Variants in KLHL20 observed in about 807,000 individuals in gnomAD.
KLHL20 encodes kelch-like protein 20.
In KLHL20, 29 loss-of-function variants were observed where a neutral mutation model predicts 69.5. The ratio of observed to expected loss-of-function variants is 0.42; its 90% CI spans 0.31 to 0.57. The LOEUF is 0.57. Among genes scored for constraint, KLHL20 ranks in the 20% least tolerant of loss-of-function variants. The probability of loss-of-function intolerance (pLI) is 0.18; values close to 1 mark genes in which losing one functional copy is unlikely to be tolerated. For missense variants in KLHL20, 419 were observed against 776.0 expected (o/e 0.54, Z 5.47); for synonymous variants, 253 against 265.2 (o/e 0.95, Z 0.45).
intron 3 of KLHL20, among the ~76,000 whole-genome samples, chr1:173,744,870 C>T (rs554828796): frequency 3.1e-4 from 47 of 152,142 alleles, no homozygotes; most frequent in African/African-American, 1.1e-3. Flanking sequence ...AGTATGTATG[C>T]GGTAGGACTA....
intron 10 of KLHL20, among the ~76,000 whole-genome samples, chr1:173,779,730 G>T (rs1648730269): frequency 6.6e-6 from 1 of 152,122 alleles, no homozygotes; most frequent in South Asian, 2.1e-4. Flanking sequence ...ATTAATATTA[G>T]ATCTATATAT....
intron 5 of KLHL20, among the ~76,000 whole-genome samples, 189 bp from the exon 6 acceptor site, chr1:173,755,734 A>C (rs1023094459): frequency 6.6e-6 from 1 of 152,228 alleles, no homozygotes; most frequent in Non-Finnish European, 1.5e-5. Flanking sequence ...ATACCAATCA[A>C]TTCACAACTC....
At chr1:173,731,729 G>C (rs1400000672) in intron 2 of KLHL20, among the ~76,000 whole-genome samples, 1 of 123,880 alleles carries the variant, frequency 8.1e-6, no homozygotes, top group Admixed American at 9.0e-5. Context: ...TTGGGGGAGG[G>C]GGGAGGGATA....
intron 3 of KLHL20, among the ~76,000 whole-genome samples, chr1:173,745,923 A>G (rs1391969425): frequency 6.6e-6 from 1 of 152,142 alleles, no homozygotes. Context: ...AGACTGCGCC[A>G]CTGCACTCCA....
intron 10 of KLHL20, among the ~76,000 whole-genome samples, chr1:173,780,613 C>CA (rs1238036358): frequency 1.3e-5 from 2 of 152,106 alleles, no homozygotes; most frequent in East Asian, 1.9e-4. Context: ...CCCATCTATA[C>CA]AAAAAATTTA....
intron 2 of KLHL20, among the ~76,000 whole-genome samples, chr1:173,723,013 C>T (rs530214337): frequency 2.0e-5 from 3 of 152,162 alleles, no homozygotes; most frequent in South Asian, 4.1e-4. Flanking sequence ...AAAAGAAAAA[C>T]GGAGACATTA....
intron 4 of KLHL20, among the ~76,000 whole-genome samples, chr1:173,752,747 G>A (rs181567572): frequency 1.6e-3 from 247 of 152,310 alleles, no homozygotes; most frequent in African/African-American, 5.7e-3. Flanking sequence ...AACGTTTTTA[G>A]TAGTTATGCC....
chr1:173,766,077 T>G (rs945403732), intron 7 of KLHL20, 69 bp from the exon 8 acceptor site: 4 of 1,254,996 alleles, frequency 3.2e-6, no homozygotes, highest in Middle Eastern at 2.0e-4. Context: ...TCCATGGATT[T>G]AGAATATGTA....
chr1:173,716,126 T>G (rs1283728345), intron 2 of KLHL20, 60 bp downstream of exon 2: 6 of 1,529,982 alleles, frequency 3.9e-6, no homozygotes, highest in South Asian at 2.3e-5. Context: ...TGTAATAATT[T>G]AAATTTTTAA....
intron 7 of KLHL20, among the ~76,000 whole-genome samples, chr1:173,764,966 A>G (rs1300140010): frequency 1.4e-4 from 22 of 152,196 alleles, no homozygotes; most frequent in Admixed American, 1.4e-3. Flanking sequence ...AATTTAGCCT[A>G]TATATGTCAA....
chr1:173,751,388 C>G (rs1673305561), intron 3 of KLHL20, among the ~76,000 whole-genome samples: 1 of 152,136 alleles, frequency 6.6e-6, no homozygotes, highest in African/African-American at 2.4e-5. Context: ...CTTGGTTTTT[C>G]TGCCCTAGAC....
intron 2 of KLHL20, among the ~76,000 whole-genome samples, chr1:173,732,318 T>TA (rs1038572307): frequency 2.2e-4 from 33 of 151,850 alleles, no homozygotes; most frequent in Admixed American, 1.3e-3. Flanking sequence ...TCTCAAAAAT[T>TA]AAAAAAAATC....
At chr1:173,772,808 G>T (rs1381425317) in intron 8 of KLHL20, among the ~76,000 whole-genome samples, 1 of 152,112 alleles carries the variant, frequency 6.6e-6, no homozygotes, top group East Asian at 1.9e-4. Context: ...CTACCAATTT[G>T]CCCAACATAA....
intron 1 of KLHL20, 32 bp from the exon 2 acceptor site, chr1:173,715,971 T>C: frequency 5.5e-6 from 8 of 1,447,820 alleles, no homozygotes; most frequent in Non-Finnish European, 7.7e-6. Context: ...AGAAATAGCT[T>C]TTATTAAGTT....
At chr1:173,728,740 G>A (rs1332473804) in intron 2 of KLHL20, among the ~76,000 whole-genome samples, 2 of 152,024 alleles carry the variant, frequency 1.3e-5, no homozygotes, top group Non-Finnish European at 2.9e-5. Context: ...CACATTCAAA[G>A]CAGTGTGTAG....
At chr1:173,759,220 G>A (rs915789688) in intron 7 of KLHL20, among the ~76,000 whole-genome samples, 3 of 151,996 alleles carry the variant, frequency 2.0e-5, no homozygotes, top group Non-Finnish European at 4.4e-5. Context: ...AACAGCAGTC[G>A]CAACAAGACC....
intron 2 of KLHL20, among the ~76,000 whole-genome samples, chr1:173,719,309 G>A (rs78453473): frequency 0.075 from 11,303 of 151,666 alleles, 1,392 homozygotes; most frequent in African/African-American, 0.25. Flanking sequence ...TTGCCCAGAT[G>A]TGTAAGTATA....
At chr1:173,770,901 G>A (rs1158802167) in intron 8 of KLHL20, among the ~76,000 whole-genome samples, 5 of 151,946 alleles carry the variant, frequency 3.3e-5, no homozygotes, top group South Asian at 4.2e-4. Flanking sequence ...TATATCCTTC[G>A]AATATTGACC....
At chr1:173,771,397 G>T (rs551982999) in intron 8 of KLHL20, among the ~76,000 whole-genome samples, 1 of 152,064 alleles carries the variant, frequency 6.6e-6, no homozygotes, top group South Asian at 2.1e-4. Flanking sequence ...GAGCAAGACC[G>T]TGTCTCTTAA....
Sources: allele counts gnomAD v4.1 joint callset (sites outside exome capture counted in the v4.1 genomes callset), GRCh38; gene constraint gnomAD v4.1.1; transcripts MANE v1.5; gene names NCBI Gene and HGNC (gene_info 2026-07-23, HGNC 2026-07-21).